The following PEG3 variants were observed in gnomAD, a reference collection of about 807,000 sequenced individuals.
The protein encoded by PEG3 is paternally-expressed gene 3 protein.
In PEG3, 23 loss-of-function variants were observed where a neutral mutation model predicts 35.5. The ratio of observed to expected loss-of-function variants is 0.65; its 90% CI spans 0.47 to 0.92. The LOEUF (loss-of-function observed/expected upper bound fraction) is 0.92. PEG3 is among the 40% of genes least tolerant of loss of function. PEG3 has a pLI of 0.00. For synonymous variants in PEG3, 707 were observed against 697.0 expected, an observed-to-expected ratio of 1.01 and a Z score of -0.23; for missense variants, 1,960 against 1,985.3, an observed-to-expected ratio of 0.99 and a Z score of 0.24.
chr19:56,827,710 ATATGT>A (rs2061185315), intron 2 of PEG3, among the ~76,000 whole-genome samples: 1 of 152,332 alleles, frequency 6.6e-6, no homozygotes, highest in South Asian at 2.1e-4. Flanking sequence ...AATAGACAAG[ATATGT>A]TATGTTTGTA....
Position 56,823,646 on chromosome 19 carries a change from T to C in PEG3, c.428A>G (p.Asp143Gly), listed in dbSNP as rs2060720332. 6 of 1,614,032 alleles carry C rather than the reference T, an allele frequency of 3.7e-6. No homozygotes were observed. The highest frequency in any genetic ancestry group is 5.1e-6 in the Non-Finnish European group (6 of 1,180,034). Residue 143 changes from aspartate to glycine, a missense_variant, in exon 5 of 10, where the codon GAC (aspartate) becomes GGC (glycine). Physicochemically the swap from Asp to Gly is moderately conservative, Grantham distance 94. Transcript: ENST00000326441. ...GGACTCTCTTCTGTTCCGGGTCATG[T>C]CGTCGTCGCTGGTCACGTCACTGTT... ...DNNSDVTSDD[D>G]MTRNRRESSP...
Position 56,823,636 on chromosome 19 carries a change from C to A in PEG3, c.438G>T (p.Arg146=). The A allele has an allele frequency of 6.2e-7, 1 of 1,614,142 alleles. No homozygotes were observed. The highest frequency in any genetic ancestry group is 1.3e-5 in the African/African-American group (1 of 75,022). The change falls in exon 5 of 10, where the codon CGG becomes CGT. Residue 146 remains arginine (R), a synonymous_variant. Transcript: ENST00000326441. ...GAGGTGGTGAGGACTCTCTTCTGTT[C>A]CGGGTCATGTCGTCGTCGCTGGTCA... ...SDVTSDDDMT[R]NRRESSPPHS...
At chr19:56,827,381 G>GA (rs2061147822) in intron 2 of PEG3, among the ~76,000 whole-genome samples, 1 of 151,794 alleles carries the variant, frequency 6.6e-6, no homozygotes, top group South Asian at 2.1e-4. Context: ...AGAAGCCATT[G>GA]AAAAATGGAA....
chr19:56,837,867 G>C (rs1181227358), intron 1 of PEG3, among the ~76,000 whole-genome samples: 1 of 152,186 alleles, frequency 6.6e-6, no homozygotes, highest in African/African-American at 2.4e-5. Context: ...GGATGGACGG[G>C]GCTCACGCTC....
rs1446902352 is a variant in PEG3, at chr19:56,815,023, T to A, written c.3419A>T (p.Tyr1140Phe). ...SRKCLVDSRE[Y>F]THSVIHTHSI... Reference sequence around the variant, plus strand: ...ATGGGTGTGAATTACAGAATGTGTGTACTCCCGACTGTCAACCAGGCACTT... The same window carrying A: ...ATGGGTGTGAATTACAGAATGTGTGAACTCCCGACTGTCAACCAGGCACTT... The change falls in exon 10 of 10, where the codon TAC becomes TTC. Residue 1140 changes from tyrosine (Y) to phenylalanine (F), a missense_variant. Around this residue, in one of 5 missense-constraint regions of PEG3, gnomAD observed 124 missense variants for 179.6 expected, o/e 0.69. Coordinates refer to ENST00000326441, the MANE Select transcript of PEG3 (RefSeq NM_006210.3). 4 of 1,614,080 alleles carry A rather than the reference T, an allele frequency of 2.5e-6. No homozygotes were observed. The highest frequency in any genetic ancestry group is 3.4e-6 in the Non-Finnish European group (4 of 1,180,048).
At chr19:56,828,312 G>A (rs1312543275) in intron 2 of PEG3, among the ~76,000 whole-genome samples, 1 of 152,154 alleles carries the variant, frequency 6.6e-6, no homozygotes, top group African/African-American at 2.4e-5. Flanking sequence ...AAATACTTAT[G>A]ATATTGCAGT....
chr19:56,823,452 C>A, intron 5 of PEG3, 141 bp downstream of exon 5: 1 of 848,354 alleles, frequency 1.2e-6, no homozygotes, highest in Non-Finnish European at 1.9e-6. Context: ...TTAATTTACC[C>A]TCTCCTCAGA....
At chr19:56,829,466 AT>A (rs1319468885) in intron 2 of PEG3, among the ~76,000 whole-genome samples, 1 of 152,216 alleles carries the variant, frequency 6.6e-6, no homozygotes, top group Non-Finnish European at 1.5e-5. Flanking sequence ...CATTTTACAC[AT>A]GGAATGGTGG....
At chr19:56,820,954 C>G (rs752887163) in intron 7 of PEG3, among the ~76,000 whole-genome samples, 1 of 152,204 alleles carries the variant, frequency 6.6e-6, no homozygotes, top group Non-Finnish European at 1.5e-5. Context: ...CTCCACACTC[C>G]ACCATGTATA....
At chr19:56,819,156 T>C (rs2060249218) in intron 7 of PEG3, among the ~76,000 whole-genome samples, 1 of 152,116 alleles carries the variant, frequency 6.6e-6, no homozygotes, top group Non-Finnish European at 1.5e-5. Context: ...AAACTTAGAC[T>C]AAATATCAAA....
At position 56,815,028 on chromosome 19, in the gene PEG3, C is replaced by T. The variant is rs761368606; in HGVS notation, c.3414G>A (p.Arg1138=). ...VHSRKCLVDS[R]EYTHSVIHTH... ...TGTGAATTACAGAATGTGTGTACTC[C>T]CGACTGTCAACCAGGCACTTCCTGC... The change falls in exon 10 of 10, where the codon CGG becomes CGA. Residue 1138 remains arginine, a synonymous_variant. Coordinates refer to ENST00000326441, the MANE Select transcript of PEG3 (RefSeq NM_006210.3). 5.6e-6 allele frequency: 9 copies of T among 1,614,180 alleles called. No homozygotes were observed. Among genetic ancestry groups the T allele is most frequent in the Middle Eastern group, 1.6e-4 (1 of 6,062 alleles).
At chr19:56,837,407 A>G (rs1023407038) in intron 1 of PEG3, among the ~76,000 whole-genome samples, 14 of 152,066 alleles carry the variant, frequency 9.2e-5, no homozygotes, top group African/African-American at 3.1e-4. Flanking sequence ...TAGACCCCAA[A>G]TCTTACACCC....
At position 56,822,804 on chromosome 19, in the gene PEG3, T is replaced by C. The variant is rs199846514; in HGVS notation, c.514A>G (p.Arg172Gly). 6.2e-6 allele frequency: 10 copies of C among 1,614,156 alleles called. No individual in the cohort carries two copies. The African/African-American group carries it at 9.3e-5, about 15-fold the overall frequency. Residue 172 changes from arginine (R) to glycine (G), a missense_variant, in exon 6 of 10, where the codon AGA becomes GGA. Coordinates refer to ENST00000326441, the MANE Select transcript of PEG3 (RefSeq NM_006210.3). ...CAGCGGTCTCGTGGCTCCATGTCTC[T>C]GCTTCTGCCCCTCCGGTCCCAGTCC... ...DRDWDRRGRS[R>G]DMEPRDRWSH...
Position 56,823,578 on chromosome 19 carries a change from A to ATGGGTACT in PEG3, c.481+7_481+14dup, listed in dbSNP as rs780346788. 22 of 1,613,916 alleles carry ATGGGTACT rather than the reference A, an allele frequency of 1.4e-5. No homozygotes were observed. Among genetic ancestry groups the ATGGGTACT allele is most frequent in the Middle Eastern group, 1.6e-4 (1 of 6,074 alleles). ...GCCTGCCCATGGGTGACCAGTGGGGATGGGTACTCACCACTGAAAGAATGG... is the reference window on the plus strand; with the variant it reads ...GCCTGCCCATGGGTGACCAGTGGGGATGGGTACTTGGGTACTCACCACTGAAAGAATGG... On this transcript the variant is annotated intron_variant, in intron 5 of 9. Coordinates refer to ENST00000326441, the MANE Select transcript of PEG3 (RefSeq NM_006210.3).
At chr19:56,837,468 C>G (rs1291687145) in intron 1 of PEG3, among the ~76,000 whole-genome samples, 1 of 152,236 alleles carries the variant, frequency 6.6e-6, no homozygotes, top group Non-Finnish European at 1.5e-5. Flanking sequence ...TTCCCCAAAT[C>G]TCTTAAAACG....
In PEG3 at chr19:56,824,517, G is replaced by C. The variant is rs750185882; in HGVS notation, c.139C>G (p.Gln47Glu). Residue 47 changes from glutamine (Q) to glutamate (E), a missense_variant, in exon 4 of 10, where the codon CAG becomes GAG. Gln to Glu is a conservative substitution (Grantham distance 29). This residue lies in a region of PEG3 where 613 missense variants were observed against 577.1 expected (regional missense o/e 1.06). Transcript: ENST00000326441. ...EGPTDSEFFH[Q>E]RFRNLIYVEF... ...ACATAGATTAGGTTCCGAAACCTCT[G>C]ATGAAAAAACTCAGAGTCAGTTGGA... 6.2e-7 allele frequency: 1 copy of C among 1,614,134 alleles called. No individual in the cohort carries two copies. The highest frequency in any genetic ancestry group is 1.3e-5 in the African/African-American group (1 of 75,018).
At chr19:56,821,901 G>A in intron 6 of PEG3, 147 bp from the exon 7 acceptor site, 2 of 838,610 alleles carry the variant, frequency 2.4e-6, no homozygotes, top group Non-Finnish European at 3.7e-6. Context: ...GGCAGCCTCT[G>A]AGGAGTCCCA....
rs900622120 is a variant in PEG3, at chr19:56,816,289, T to C, written c.2153A>G (p.Tyr718Cys). 6.2e-6 allele frequency: 10 copies of C among 1,614,000 alleles called. No individual in the cohort carries two copies. The highest frequency in any genetic ancestry group is 1.7e-6 in the Non-Finnish European group (2 of 1,179,850). Residue 718 changes from tyrosine to cysteine, a missense_variant, in exon 10 of 10, where the codon TAT becomes TGT. This residue lies in a region of PEG3 where 798 missense variants were observed against 782.4 expected (regional missense o/e 1.02). Coordinates refer to ENST00000326441, the MANE Select transcript of PEG3 (RefSeq NM_006210.3). ...CCCACTATGAATGACAGATTTCTCA[T>C]ACCCTCTGCCTTCAAAGAGGTTCTT... Reference protein sequence around the residue: ...SRKNLFEGRGYEKSVIHSGPF... With the variant: ...SRKNLFEGRGCEKSVIHSGPF...
chr19:56,838,860 T>G (rs2062559365), intron 1 of PEG3, among the ~76,000 whole-genome samples: 1 of 152,084 alleles, frequency 6.6e-6, no homozygotes, highest in Non-Finnish European at 1.5e-5. Context: ...CCCCTCCCTG[T>G]GGACAACCCC....
Sources: allele counts gnomAD v4.1 joint callset (sites outside exome capture counted in the v4.1 genomes callset), GRCh38; gene constraint gnomAD v4.1.1; regional missense constraint gnomAD v4.1.1; transcripts MANE v1.5; gene names NCBI Gene and HGNC (gene_info 2026-07-23, HGNC 2026-07-21).